The following GHR variants were observed in gnomAD, a reference collection of about 807,000 sequenced individuals.
The protein encoded by GHR is GH receptor.
Under a neutral mutation model 67.1 loss-of-function variants are expected in GHR, and 35 were observed. The ratio of observed to expected loss-of-function variants is 0.52; its 90% CI spans 0.40 to 0.69. The LOEUF (loss-of-function observed/expected upper bound fraction) is 0.69, where lower values mean the gene tolerates loss of function less well. Ranked by LOEUF, GHR falls within the 30% of genes least tolerant of loss-of-function variation. The pLI, the probability that GHR is intolerant of heterozygous loss-of-function variation, is 0.00. For missense variants in GHR, 792 were observed against 764.6 expected, an observed-to-expected ratio of 1.04 and a Z score of -0.42; for synonymous variants, 272 against 269.1, an observed-to-expected ratio of 1.01 and a Z score of -0.10.
intron 1 of GHR, among the ~76,000 whole-genome samples, chr5:42,470,846 G>A (rs963745969): frequency 6.6e-6 from 1 of 152,142 alleles, no homozygotes; most frequent in Non-Finnish European, 1.5e-5. Context: ...CAGGAGAGCT[G>A]CTTCTGTGAC....
At chr5:42,578,258 A>T (rs1750873233) in intron 2 of GHR, among the ~76,000 whole-genome samples, 1 of 152,196 alleles carries the variant, frequency 6.6e-6, no homozygotes, top group South Asian at 2.1e-4. Context: ...CACAGTCTAG[A>T]TCTGGTAGTT....
intron 1 of GHR, chr5:42,467,888 TG>T (rs1411359152): frequency 2.1e-5 from 17 of 817,084 alleles, no homozygotes; most frequent in Non-Finnish European, 3.2e-5. Flanking sequence ...CTTACATTTC[TG>T]GTCTTCCTCT....
chr5:42,579,151 T>TAGATATAG (rs1344860776), intron 2 of GHR, among the ~76,000 whole-genome samples: 2 of 88,248 alleles, frequency 2.3e-5, no homozygotes, highest in Admixed American at 1.1e-4. Context: ...GATAGATAGA[T>TAGATATAG]ATAGATAGAT....
chr5:42,571,718 TA>T (rs1750328699), intron 2 of GHR, among the ~76,000 whole-genome samples: 1 of 152,202 alleles, frequency 6.6e-6, no homozygotes, highest in Non-Finnish European at 1.5e-5. Flanking sequence ...TGATAGAGTA[TA>T]TTTCTGGTCT....
rs575904984 is a variant in GHR, at chr5:42,630,498, C to T, written c.136+1395C>T. On this transcript the variant is annotated intron_variant, in intron 3 of 9. Coordinates refer to ENST00000230882, the MANE Select transcript of GHR (RefSeq NM_000163.5). ...CCAATGTGAGATTTTAACATTATTT[C>T]CTTGGAGGTGACCAAAAAGGAGAGC... is the stretch of plus-strand genomic sequence containing the variant. Among the ~76,000 whole-genome samples, 5 of 131,798 alleles carry T rather than the reference C, an allele frequency of 3.8e-5. 1 individual carries two copies. The South Asian group carries it at 1.2e-3, about 31-fold the overall frequency. 86.5% of individuals were successfully genotyped at this position (131,798 alleles called of 152,430 possible). A position where few individuals can be genotyped will look rare whatever the true frequency, so the allele number is the denominator to read the frequency against.
intron 2 of GHR, among the ~76,000 whole-genome samples, chr5:42,577,713 A>G (rs1579979011): frequency 6.6e-6 from 1 of 152,230 alleles, no homozygotes; most frequent in Non-Finnish European, 1.5e-5. Context: ...AGTTCAGACA[A>G]TGAATTCATT....
intron 1 of GHR, among the ~76,000 whole-genome samples, chr5:42,485,430 A>G (rs559245321): frequency 1.3e-4 from 20 of 152,256 alleles, no homozygotes; most frequent in Admixed American, 9.2e-4. Flanking sequence ...GTAGTTATTT[A>G]TGTACTTACT....
chr5:42,623,241 G>A (rs903857517), intron 2 of GHR, among the ~76,000 whole-genome samples: 14 of 152,186 alleles, frequency 9.2e-5, no homozygotes, highest in Admixed American at 6.5e-4. Flanking sequence ...ACCTAGATAC[G>A]TGTTTCTGTT....
At chr5:42,680,436 CTTTTCTTTTT>C (rs890818721) in intron 3 of GHR, among the ~76,000 whole-genome samples, 1 of 151,672 alleles carries the variant, frequency 6.6e-6, no homozygotes, top group African/African-American at 2.4e-5. Flanking sequence ...ATCCAATGTG[CTTTTCTTTTT>C]TTTTCTTTTT....
Position 42,474,253 on chromosome 5 carries a change from C to CAGAAAGAA in GHR, c.-12+50301_-12+50302insAAGAAAGA, listed in dbSNP as rs756789779. 1.1e-3 allele frequency among the ~76,000 whole-genome samples: 57 copies of CAGAAAGAA among 50,706 alleles called. 1 individual carries two copies. Among genetic ancestry groups the CAGAAAGAA allele is most frequent in the African/African-American group, 2.9e-3 (31 of 10,646 alleles). 33.3% of individuals were successfully genotyped at this position (50,706 alleles called of 152,430 possible). A position where few individuals can be genotyped will look rare whatever the true frequency, so the allele number is the denominator to read the frequency against. ...AAAAAGAAAGAAAGAGAGAGAAAGACAGACAGAAAGAAAGAAAGAAAGAAA... is the reference window on the plus strand; with the variant it reads ...AAAAAGAAAGAAAGAGAGAGAAAGACAGAAAGAAAGACAGAAAGAAAGAAAGAAAGAAA... On this transcript the variant is annotated intron_variant, in intron 1 of 9. Coordinates refer to ENST00000230882, the MANE Select transcript of GHR (RefSeq NM_000163.5).
intron 1 of GHR, among the ~76,000 whole-genome samples, chr5:42,437,529 ATATTTATTTATTTATT>A (rs375521431): frequency 2.3e-3 from 334 of 148,016 alleles, no homozygotes; most frequent in African/African-American, 7.2e-3. Flanking sequence ...TATTATTTTT[ATATTTATTTATTTATT>A]TATTTATTTA....
intron 1 of GHR, chr5:42,468,912 C>T: frequency 3.3e-6 from 2 of 602,306 alleles, no homozygotes. Flanking sequence ...CAGCGGGCTG[C>T]GCCGAGCCAA....
At chr5:42,572,782 T>C (rs1223457289) in intron 2 of GHR, among the ~76,000 whole-genome samples, 1 of 152,184 alleles carries the variant, frequency 6.6e-6, no homozygotes, top group Non-Finnish European at 1.5e-5. Flanking sequence ...TAGAAGATGG[T>C]GGATCATGTC....
intron 1 of GHR, among the ~76,000 whole-genome samples, chr5:42,487,189 A>G (rs577690997): frequency 6.6e-6 from 1 of 152,344 alleles, no homozygotes; most frequent in South Asian, 2.1e-4. Context: ...TTATGTAAGG[A>G]TACTTTGTCC....
At chr5:42,486,934 T>C (rs1745912817) in intron 1 of GHR, among the ~76,000 whole-genome samples, 2 of 152,250 alleles carry the variant, frequency 1.3e-5, no homozygotes, top group South Asian at 4.1e-4. Context: ...AAGAGTTAAC[T>C]TCTTACATTT....
chr5:42,536,539 T>C (rs1362393362), intron 1 of GHR, among the ~76,000 whole-genome samples: 2 of 152,212 alleles, frequency 1.3e-5, no homozygotes, highest in Admixed American at 6.5e-5. Context: ...GGATTATCTT[T>C]TTGATATGTT....
At chr5:42,652,371 T>C (rs1269508307) in intron 3 of GHR, among the ~76,000 whole-genome samples, 1 of 152,176 alleles carries the variant, frequency 6.6e-6, no homozygotes, top group African/African-American at 2.4e-5. Flanking sequence ...GACCATGTTT[T>C]TATTTCTTCT....
At chr5:42,647,182 G>A (rs1208316082) in intron 3 of GHR, among the ~76,000 whole-genome samples, 1 of 152,146 alleles carries the variant, frequency 6.6e-6, no homozygotes, top group Non-Finnish European at 1.5e-5. Context: ...ACACTGAGCT[G>A]TACTGTGCAA....
intron 2 of GHR, among the ~76,000 whole-genome samples, chr5:42,592,441 A>T (rs1234074172): frequency 6.6e-6 from 1 of 152,140 alleles, no homozygotes; most frequent in Admixed American, 6.5e-5. Context: ...AGTGGGTGCC[A>T]GTGTCTATTA....
Sources: gnomAD v4.1 joint callset for allele counts (sites outside exome capture counted in the v4.1 genomes callset) on GRCh38, gnomAD v4.1.1 for gene constraint, MANE v1.5 for transcripts, NCBI Gene and HGNC (gene_info 2026-07-23, HGNC 2026-07-21) for gene names.